Variants in KCTD5 observed in about 807,000 individuals in gnomAD.
The protein encoded by KCTD5 is BTB/POZ domain-containing protein KCTD5.
A neutral mutation model predicts 27.9 loss-of-function variants in KCTD5; 12 were observed. That is an observed-to-expected ratio of 0.43 (90% CI 0.28 to 0.70). The LOEUF (loss-of-function observed/expected upper bound fraction) is 0.70. Ranked by LOEUF, KCTD5 falls within the 30% of genes least tolerant of loss-of-function variation. The probability of loss-of-function intolerance (pLI) is 0.19; values close to 1 mark genes in which losing one functional copy is unlikely to be tolerated. For missense variants in KCTD5, 226 were observed against 274.8 expected, an observed-to-expected ratio of 0.82 and a Z score of 1.26; for synonymous variants, 147 against 121.4, an observed-to-expected ratio of 1.21 and a Z score of -1.39.
intron 1 of KCTD5, among the ~76,000 whole-genome samples, chr16:2,692,089 C>T (rs1176450294): frequency 6.6e-6 from 1 of 152,200 alleles, no homozygotes; most frequent in East Asian, 1.9e-4. Context: ...CTCTCACTGC[C>T]AGCAGGATCT....
At chr16:2,705,886 T>C (rs945650651) in intron 5 of KCTD5, among the ~76,000 whole-genome samples, 2 of 152,194 alleles carry the variant, frequency 1.3e-5, no homozygotes, top group African/African-American at 4.8e-5. Flanking sequence ...GGGTGTCTCC[T>C]GCCCTCATCA....
intron 1 of KCTD5, among the ~76,000 whole-genome samples, chr16:2,689,560 A>G (rs1038149132): frequency 2.1e-5 from 3 of 144,508 alleles, no homozygotes; most frequent in Non-Finnish European, 4.6e-5. Flanking sequence ...CGCAGGGCCG[A>G]CCCTCTTTGC....
In KCTD5 at chr16:2,682,763, G is replaced by T; in HGVS notation, c.215G>T (p.Arg72Leu). ...LCRDPKSFLY[R>L]LCQADPDLDS... ...CGGGACCCGAAATCCTTCCTGTACC[G>T]CTTATGCCAGGCCGATCCCGACCTG... Residue 72 changes from arginine (R) to leucine (L), a missense_variant, in exon 1 of 6, where the codon CGC (arginine) becomes CTC (leucine). By Grantham distance (102) the Arg-to-Leu change is moderately radical. This residue lies in a region of KCTD5 where 135 missense variants were observed against 207.0 expected (regional missense o/e 0.65). Coordinates refer to ENST00000301738, the MANE Select transcript of KCTD5 (RefSeq NM_018992.4). The T allele has an allele frequency of 1.2e-6, 2 of 1,605,282 alleles. No individual in the cohort carries two copies. The highest frequency in any genetic ancestry group is 1.7e-6 in the Non-Finnish European group (2 of 1,176,692).
chr16:2,702,466 C>T lies in KCTD5; in HGVS notation c.663C>T (p.Ser221=), dbSNP rs752844864. 16 of 1,613,112 alleles carry T rather than the reference C, an allele frequency of 9.9e-6. 1 individual carries two copies. Among genetic ancestry groups the T allele is most frequent in the South Asian group, 4.4e-5 (4 of 91,074 alleles). The part of the protein sequence containing the change: ...NTPYGTASEP[S]EKAKILQERG... ...CGTACGGTACGGCCAGCGAGCCCAG[C>T]GAGAAGGCCAAGGTGAGTGCTGGGC... The change falls in exon 5 of 6, where the codon AGC becomes AGT. Residue 221 remains serine (S), a synonymous_variant. Coordinates refer to ENST00000301738, the MANE Select transcript of KCTD5 (RefSeq NM_018992.4).
At chr16:2,692,004 C>A (rs2067568922) in intron 1 of KCTD5, among the ~76,000 whole-genome samples, 1 of 152,188 alleles carries the variant, frequency 6.6e-6, no homozygotes, top group Admixed American at 6.5e-5. Flanking sequence ...CCGGGGGCTT[C>A]CTGGTCCCTC....
intron 1 of KCTD5, 92 bp downstream of exon 1, chr16:2,682,892 G>A (rs923619953): frequency 5.7e-6 from 8 of 1,414,298 alleles, no homozygotes; most frequent in Non-Finnish European, 7.4e-6. Context: ...AGACTTCAGC[G>A]GGAGCGGGCG....
chr16:2,705,076 C>T (rs1265851721), intron 5 of KCTD5, among the ~76,000 whole-genome samples: 1 of 152,232 alleles, frequency 6.6e-6, no homozygotes, highest in Non-Finnish European at 1.5e-5. Context: ...GGGGCACCCG[C>T]CCACCCGCAC....
In KCTD5 at chr16:2,699,517, C is replaced by A. The variant is rs986809808; in HGVS notation, c.454-304C>A. ...GCACGGTTGCTGCGTGCGGAGCAGA[C>A]GTGGACGCTCTCGTGTCGTCATGTC... On this transcript the variant is annotated intron_variant, in intron 3 of 5. Transcript: ENST00000301738. 2.6e-5 allele frequency among the ~76,000 whole-genome samples: 4 copies of A among 152,340 alleles called. No homozygotes were observed. In the East Asian group the frequency reaches 5.8e-4, roughly 22 times the overall value.
chr16:2,690,141 C>T (rs535768185), intron 1 of KCTD5, among the ~76,000 whole-genome samples: 1 of 152,390 alleles, frequency 6.6e-6, no homozygotes, highest in Non-Finnish European at 1.5e-5. Flanking sequence ...TGTTACCACA[C>T]TTCTCTGAGT....
At chr16:2,706,627 G>A (rs986487390) in intron 5 of KCTD5, among the ~76,000 whole-genome samples, 6 of 151,870 alleles carry the variant, frequency 4.0e-5, no homozygotes, top group Non-Finnish European at 7.4e-5. Flanking sequence ...GGGAAGTGGG[G>A]AGGGTACCTT....
chr16:2,682,723 C>G lies in KCTD5; in HGVS notation c.175C>G (p.Arg59Gly). The change falls in exon 1 of 6, where the codon CGG becomes GGG. Residue 59 changes from arginine to glycine, a missense_variant. Arg to Gly is a moderately radical substitution (Grantham distance 125). Around this residue, in one of 2 missense-constraint regions of KCTD5, gnomAD observed 135 missense variants for 207.0 expected, o/e 0.65. Transcript: ENST00000301738. ...NVGGTYFLTT[R>G]QTLCRDPKSF... ...CGGCGGCACCTACTTCCTCACCACT[C>G]GGCAGACCCTGTGCCGGGACCCGAA... The G allele has an allele frequency of 6.2e-7, 1 of 1,610,840 alleles. No individual in the cohort carries two copies. Among genetic ancestry groups the G allele is most frequent in the Non-Finnish European group, 8.5e-7 (1 of 1,178,990 alleles).
rs2142061735 is a variant in KCTD5, at chr16:2,708,713, G to C, written c.*1386G>C. 6.6e-6 allele frequency: 1 copy of C among 152,298 alleles called. No homozygotes were observed. Among genetic ancestry groups the C allele is most frequent in the East Asian group, 1.9e-4 (1 of 5,184 alleles). The allele number at this position is 152,298 out of a possible 1,614,324, so 9.4% of individuals were successfully genotyped here. A position where few individuals can be genotyped will look rare whatever the true frequency, so the allele number is the denominator to read the frequency against. On this transcript the variant is annotated 3_prime_UTR_variant, in exon 6 of 6. Coordinates refer to ENST00000301738, the MANE Select transcript of KCTD5 (RefSeq NM_018992.4). Reference sequence around the variant, plus strand: ...GTCTCTTGTATGTTGTTAAATGTTTGGCTTAAACAATTTATAAAAGCCTTT... The same window carrying C: ...GTCTCTTGTATGTTGTTAAATGTTTCGCTTAAACAATTTATAAAAGCCTTT...
chr16:2,699,414 C>A, intron 3 of KCTD5: 1 of 358,132 alleles, frequency 2.8e-6, no homozygotes, highest in Non-Finnish European at 5.5e-6. Flanking sequence ...TTTCTGGTAG[C>A]TGGGAGCGAG....
At position 2,707,625 on chromosome 16, in the gene KCTD5, C is replaced by T; in HGVS notation, c.*298C>T. On this transcript the variant is annotated 3_prime_UTR_variant, in exon 6 of 6. Transcript: ENST00000301738. ...ACTGAGGCAGACACTCCCAGTCAGC[C>T]CGCTCGATCCTGAAGATCGTGTGAA... 1 of 600,912 alleles carries T rather than the reference C, an allele frequency of 1.7e-6. No homozygotes were observed. Among genetic ancestry groups the T allele is most frequent in the Non-Finnish European group, 3.0e-6 (1 of 337,602 alleles). 37.2% of individuals were successfully genotyped at this position (600,912 alleles called of 1,614,324 possible). A position where few individuals can be genotyped will look rare whatever the true frequency, so the allele number is the denominator to read the frequency against.
intron 1 of KCTD5, chr16:2,684,767 A>T (rs1267418723): frequency 1.3e-5 from 2 of 151,590 alleles, no homozygotes; most frequent in African/African-American, 4.9e-5. Context: ...TCCATCACAA[A>T]AAAAAAAAAA....
chr16:2,682,837 C>T (rs1353819686), intron 1 of KCTD5, 37 bp downstream of exon 1: 2 of 1,540,082 alleles, frequency 1.3e-6, no homozygotes, highest in African/African-American at 1.4e-5. Flanking sequence ...GGGTCCTGGC[C>T]TTCCCGGCCT....
intron 4 of KCTD5, 86 bp downstream of exon 4, chr16:2,700,002 T>G: frequency 8.0e-7 from 1 of 1,244,932 alleles, no homozygotes; most frequent in South Asian, 1.2e-5. Flanking sequence ...CTCCTGGAAA[T>G]GCAGACTTTG....
chr16:2,702,196 G>C (rs549191173), intron 4 of KCTD5, among the ~76,000 whole-genome samples, 157 bp from the exon 5 acceptor site: 14 of 152,352 alleles, frequency 9.2e-5, no homozygotes, highest in Admixed American at 8.5e-4. Flanking sequence ...TGCTCGTGCA[G>C]GTGTTCCGGG....
chr16:2,707,220 C>T (rs1199430402), intron 5 of KCTD5, 78 bp from the exon 6 acceptor site: 3 of 1,431,028 alleles, frequency 2.1e-6, no homozygotes, highest in Non-Finnish European at 1.9e-6. Flanking sequence ...CCTGTGGGCT[C>T]TGTTTTCTGG....
Sources: gnomAD v4.1 joint callset for allele counts (sites outside exome capture counted in the v4.1 genomes callset) on GRCh38, gnomAD v4.1.1 for gene constraint, gnomAD v4.1.1 regional missense constraint, MANE v1.5 for transcripts, NCBI Gene and HGNC (gene_info 2026-07-23, HGNC 2026-07-21) for gene names.